Variants in ANKRD55 observed in about 807,000 individuals in gnomAD.
ANKRD55 encodes the protein ankyrin repeat domain 55.
ANKRD55 carries 41 observed loss-of-function variants against 60.6 expected under a neutral mutation model. The observed-to-expected ratio is 0.68, with a 90% CI of 0.53 to 0.88. ANKRD55 has a LOEUF of 0.88. Among genes scored for constraint, ANKRD55 ranks in the 40% least tolerant of loss-of-function variants. The pLI is 0.00. For synonymous variants in ANKRD55, 264 were observed against 290.3 expected (o/e 0.91, Z 0.92); for missense variants, 732 against 767.6 (o/e 0.95, Z 0.55).
rs78717509 is a variant in ANKRD55 at position 56,213,206 on chromosome 5, G to T, written c.58+19650C>A. On this transcript the variant is annotated intron_variant, in intron 2 of 11. Coordinates refer to ENST00000341048, the MANE Select transcript of ANKRD55 (RefSeq NM_024669.3). The stretch of plus-strand genomic sequence containing the variant: ...TCAATCAAAGTTCCAACAATTGTTT[G>T]GGAGGAGGTGTCAGGAAAACATTAA... Among the ~76,000 whole-genome samples, 771 of 152,242 alleles carry T rather than the reference G, an allele frequency of 5.1e-3. 8 individuals carry two copies. Among genetic ancestry groups the T allele is most frequent in the African/African-American group, 0.017 (721 of 41,542 alleles).
At chr5:56,125,363 C>G (rs1016997617) in intron 8 of ANKRD55, among the ~76,000 whole-genome samples, 1 of 151,886 alleles carries the variant, frequency 6.6e-6, no homozygotes, top group African/African-American at 2.4e-5. Context: ...TCACTGCAAC[C>G]TCTGCCTCTT....
In ANKRD55 at chr5:56,100,225, T is replaced by G; in HGVS notation, c.1803A>C (p.Glu601Asp). The G allele has an allele frequency of 6.2e-7, 1 of 1,614,238 alleles. No homozygotes were observed. The highest frequency in any genetic ancestry group is 1.6e-4 in the Middle Eastern group (1 of 6,062). Residue 601 changes from glutamate to aspartate, a missense_variant, in exon 12 of 12, where the codon GAA becomes GAC. Physicochemically the swap from Glu to Asp is conservative, Grantham distance 45. Transcript: ENST00000341048. ...PSQRRHSTAA[E>D]ESEHSANPTS... is the part of the protein sequence containing the mutation. ...TGGGGTTGGCAGAATGTTCACTCTC[T>G]TCTGCTGCTGTGCTGTGTCTTCGTT...
At position 56,183,630 on chromosome 5, in the gene ANKRD55, G is replaced by A. The variant is rs1002394103; in HGVS notation, c.63C>T (p.Asp21=). The change falls in exon 3 of 12, where the codon GAC becomes GAT. Residue 21 remains aspartate (D), a synonymous_variant. Transcript: ENST00000341048. The stretch of plus-strand genomic sequence containing the variant: ...TGGTCAGGTCAACTTCCTCAGATGA[G>A]TCACCTTCATGCATAAAACAGACAC... ...TPSVFDQQRG[D]SSEEVDLTMV... is the part of the protein sequence containing the mutation. 5 of 1,614,082 alleles carry A rather than the reference G, an allele frequency of 3.1e-6. No homozygotes were observed. The Admixed American group carries it at 6.7e-5, about 22-fold the overall frequency.
At chr5:56,214,870 C>A (rs1759764130) in intron 2 of ANKRD55, among the ~76,000 whole-genome samples, 1 of 152,166 alleles carries the variant, frequency 6.6e-6, no homozygotes, top group African/African-American at 2.4e-5. Context: ...CCAGTTGTGG[C>A]CAGAACTCTA....
chr5:56,103,362 G>A (rs1445198405), intron 10 of ANKRD55, among the ~76,000 whole-genome samples: 1 of 152,150 alleles, frequency 6.6e-6, no homozygotes, highest in Non-Finnish European at 1.5e-5. Flanking sequence ...TTTTTCTCCT[G>A]GAAAGCTAGC....
chr5:56,173,196 T>A (rs1758647002), intron 4 of ANKRD55, among the ~76,000 whole-genome samples: 1 of 152,156 alleles, frequency 6.6e-6, no homozygotes, highest in African/African-American at 2.4e-5. Context: ...GAATTGCAAT[T>A]GTTTTTTTTC....
chr5:56,184,987 G>A (rs931609295), intron 2 of ANKRD55, among the ~76,000 whole-genome samples: 1 of 152,012 alleles, frequency 6.6e-6, no homozygotes, highest in Non-Finnish European at 1.5e-5. Context: ...GTGCGAGGCC[G>A]AGGCGGGCGG....
At chr5:56,183,948 C>A (rs1758910075) in intron 2 of ANKRD55, among the ~76,000 whole-genome samples, 1 of 152,176 alleles carries the variant, frequency 6.6e-6, no homozygotes, top group Admixed American at 6.5e-5. Flanking sequence ...GGAAGTGGGG[C>A]CCTCATCTTG....
chr5:56,141,515 G>T (rs760519634), intron 7 of ANKRD55, among the ~76,000 whole-genome samples: 1 of 152,190 alleles, frequency 6.6e-6, no homozygotes, highest in African/African-American at 2.4e-5. Flanking sequence ...TTATTCCATT[G>T]TGCAGACAGG....
At chr5:56,111,845 G>A (rs1756718120) in intron 9 of ANKRD55, 63 bp from the exon 10 acceptor site, 14 of 1,376,820 alleles carry the variant, frequency 1.0e-5, no homozygotes, top group Admixed American at 2.7e-5. Context: ...ATCACTCACC[G>A]AAATACCGAC....
intron 2 of ANKRD55, among the ~76,000 whole-genome samples, chr5:56,231,020 T>G (rs909181882): frequency 2.0e-5 from 3 of 152,228 alleles, no homozygotes; most frequent in African/African-American, 7.2e-5. Flanking sequence ...TAGGTAAGCA[T>G]CATTTCCTTC....
intron 4 of ANKRD55, among the ~76,000 whole-genome samples, chr5:56,173,570 CTCTCTCTCTCTCTATATATA>C (rs1471302381): frequency 9.0e-6 from 1 of 110,968 alleles, no homozygotes; most frequent in East Asian, 2.7e-4. Context: ...CTCTCTCTCT[CTCTCTCTCTCTCTATATATA>C]TATATATATA....
At chr5:56,232,245 G>A (rs910306900) in intron 2 of ANKRD55, among the ~76,000 whole-genome samples, 6 of 152,128 alleles carry the variant, frequency 3.9e-5, no homozygotes, top group Non-Finnish European at 7.3e-5. Flanking sequence ...ATTTTGATGT[G>A]GAAAATTACC....
At chr5:56,116,895 G>A (rs1756903059) in intron 8 of ANKRD55, 113 bp from the exon 9 acceptor site, 2 of 1,116,244 alleles carry the variant, frequency 1.8e-6, no homozygotes, top group Non-Finnish European at 2.5e-6. Flanking sequence ...AAATCTTGTT[G>A]CCATTTACAG....
At chr5:56,105,118 ACT>A (rs1272085992) in intron 10 of ANKRD55, among the ~76,000 whole-genome samples, 10 of 140,638 alleles carry the variant, frequency 7.1e-5, no homozygotes, top group African/African-American at 2.7e-4. Context: ...ACAGTGTCTC[ACT>A]CTGTTTCTCA....
intron 2 of ANKRD55, among the ~76,000 whole-genome samples, chr5:56,231,396 GTTC>G (rs1440250589): frequency 6.6e-6 from 1 of 152,208 alleles, no homozygotes; most frequent in African/African-American, 2.4e-5. Flanking sequence ...TGAAGAGCTA[GTTC>G]TTCTTCAGTC....
intron 6 of ANKRD55, among the ~76,000 whole-genome samples, chr5:56,145,212 G>A (rs902033244): frequency 6.6e-6 from 1 of 152,144 alleles, no homozygotes; most frequent in Non-Finnish European, 1.5e-5. Flanking sequence ...TGTCTCCTAC[G>A]TGTTCACCAA....
intron 2 of ANKRD55, among the ~76,000 whole-genome samples, chr5:56,191,990 T>A (rs902540675): frequency 6.6e-6 from 1 of 152,222 alleles, no homozygotes; most frequent in Non-Finnish European, 1.5e-5. Context: ...ATGGTCCTAA[T>A]GGAATCTAAA....
At position 56,213,793 on chromosome 5, in the gene ANKRD55, A is replaced by G. The variant is rs143241228; in HGVS notation, c.58+19063T>C. Among the ~76,000 whole-genome samples the G allele has an allele frequency of 1.8e-4, 27 of 152,356 alleles. No homozygotes were observed. The East Asian group carries it at 5.2e-3, about 29-fold the overall frequency. On this transcript the variant is annotated intron_variant, in intron 2 of 11. Coordinates refer to ENST00000341048, the MANE Select transcript of ANKRD55 (RefSeq NM_024669.3). ...GGAAAGCAGAAGCACTGCAAAGCCT[A>G]TGAGTGTCCCTGAAGGATTAATTTC...
Sources: gnomAD v4.1 joint callset for allele counts (sites outside exome capture counted in the v4.1 genomes callset) on GRCh38, gnomAD v4.1.1 for gene constraint, MANE v1.5 for transcripts, NCBI Gene and HGNC (gene_info 2026-07-23, HGNC 2026-07-21) for gene names.